MAP2K2: variants seen among roughly 807,000 people sequenced by gnomAD.
MAP2K2 encodes dual specificity mitogen-activated protein kinase kinase 2.
A neutral mutation model predicts 43.7 loss-of-function variants in MAP2K2; 24 were observed. That is an observed-to-expected ratio of 0.55 (90% CI 0.40 to 0.77). The LOEUF is 0.77. Among genes scored for constraint, MAP2K2 ranks in the 30% least tolerant of loss-of-function variants. The pLI is 0.00. For missense variants in MAP2K2, 470 were observed against 566.8 expected, an observed-to-expected ratio of 0.83 and a Z score of 1.73; for synonymous variants, 244 against 239.7, an observed-to-expected ratio of 1.02 and a Z score of -0.17.
chr19:4,104,039 G>A (rs1023133869), intron 3 of MAP2K2, among the ~76,000 whole-genome samples: 14 of 151,956 alleles, frequency 9.2e-5, no homozygotes, highest in African/African-American at 2.7e-4. Flanking sequence ...TGAGGCAGGC[G>A]GATCACTTGA....
intron 10 of MAP2K2, among the ~76,000 whole-genome samples, chr19:4,093,034 C>T (rs1248342641): frequency 6.6e-6 from 1 of 151,282 alleles, no homozygotes; most frequent in Non-Finnish European, 1.5e-5. Flanking sequence ...CACGGGGAAA[C>T]CCCATCTCTA....
intron 9 of MAP2K2, 157 bp from the exon 10 acceptor site, chr19:4,094,655 C>T: frequency 1.4e-6 from 1 of 710,274 alleles, no homozygotes; most frequent in Admixed American, 2.3e-5. Context: ...TCTGTTCTGC[C>T]TCCTGGCAGA....
intron 6 of MAP2K2, chr19:4,100,502 A>T (rs183110382): frequency 1.3e-5 from 2 of 154,520 alleles, no homozygotes; most frequent in African/African-American, 4.9e-5. Flanking sequence ...CTAAGAGAGA[A>T]TTCCAACAGG....
At chr19:4,118,792 A>G (rs887665587) in intron 1 of MAP2K2, among the ~76,000 whole-genome samples, 2 of 152,154 alleles carry the variant, frequency 1.3e-5, no homozygotes, top group East Asian at 3.8e-4. Context: ...TACACAATAA[A>G]AAATTTCTAA....
chr19:4,117,688 G>C (rs2041241846), intron 1 of MAP2K2, 59 bp from the exon 2 acceptor site: 4 of 1,518,054 alleles, frequency 2.6e-6, no homozygotes, highest in Non-Finnish European at 3.7e-6. Context: ...CTGGCCGTTT[G>C]CTATGTGGCC....
chr19:4,101,321 A>C lies in MAP2K2; in HGVS notation c.529-41T>G. 3 of 1,558,518 alleles carry C rather than the reference A, an allele frequency of 1.9e-6. No individual in the cohort carries two copies. Among genetic ancestry groups the C allele is most frequent in the Non-Finnish European group, 2.6e-6 (3 of 1,150,942 alleles). Reference sequence around the variant, plus strand: ...GAGGGAGTCACGGGACAAGGCCACCAGGGCTTAGCTCCTGACCGAGCCCGG... The same window carrying C: ...GAGGGAGTCACGGGACAAGGCCACCCGGGCTTAGCTCCTGACCGAGCCCGG... On this transcript the variant is annotated intron_variant, in intron 4 of 10. Transcript: ENST00000262948. This position sits in a 1 kb window ranked among gnomAD's most constrained non-coding sequence, Gnocchi z 6.3.
intron 3 of MAP2K2, among the ~76,000 whole-genome samples, chr19:4,107,317 G>A (rs1338444931): frequency 6.6e-6 from 1 of 152,008 alleles, no homozygotes; most frequent in Non-Finnish European, 1.5e-5. Context: ...GAGGTCAGGA[G>A]ATCGAGACCA....
At chr19:4,117,745 G>T in intron 1 of MAP2K2, 116 bp from the exon 2 acceptor site, 1 of 899,874 alleles carries the variant, frequency 1.1e-6, no homozygotes, top group Non-Finnish European at 1.8e-6. Flanking sequence ...TCCTGCACTT[G>T]AGGGGTTCAT....
intron 2 of MAP2K2, among the ~76,000 whole-genome samples, chr19:4,112,495 T>C (rs568102758): frequency 6.6e-6 from 1 of 152,316 alleles, no homozygotes; most frequent in South Asian, 2.1e-4. Context: ...AGCAGGAGGC[T>C]GACCGTGGCC....
chr19:4,100,821 G>T, intron 6 of MAP2K2, 198 bp downstream of exon 6: 1 of 652,620 alleles, frequency 1.5e-6, no homozygotes, highest in African/African-American at 1.8e-5. Flanking sequence ...AGCCATGTAG[G>T]AGTGTGTGCC....
Position 4,101,254 on chromosome 19 carries a change from T to G in MAP2K2, c.555A>C (p.Arg185=). Reference sequence around the variant, plus strand: ...CTCGGTGCATGATCTGGTGCTTCTCTCGGAGGTACGCCAAGCCCCGGAGAA... The same window carrying G: ...CTCGGTGCATGATCTGGTGCTTCTCGCGGAGGTACGCCAAGCCCCGGAGAA... ...IAVLRGLAYL[R]EKHQIMHRDV... is the part of the protein sequence containing the mutation. Residue 185 remains arginine (R), a synonymous_variant, in exon 5 of 11, where the codon CGA becomes CGC. Coordinates refer to ENST00000262948, the MANE Select transcript of MAP2K2 (RefSeq NM_030662.4). This position sits in a 1 kb window ranked among gnomAD's most constrained non-coding sequence, Gnocchi z 6.3. 1 of 1,586,230 alleles carries G rather than the reference T, an allele frequency of 6.3e-7. No homozygotes were observed. Among genetic ancestry groups the G allele is most frequent in the Non-Finnish European group, 8.6e-7 (1 of 1,167,192 alleles).
chr19:4,114,905 G>C (rs1465874943), intron 2 of MAP2K2, among the ~76,000 whole-genome samples: 1 of 152,012 alleles, frequency 6.6e-6, no homozygotes, highest in Non-Finnish European at 1.5e-5. Context: ...ACTCCAGTCT[G>C]GGTGACAGAG....
chr19:4,121,193 G>A (rs116413954), intron 1 of MAP2K2, among the ~76,000 whole-genome samples: 214 of 151,770 alleles, frequency 1.4e-3, no homozygotes, highest in African/African-American at 4.0e-3. Context: ...CACGCCACCC[G>A]GACCCCAGCA....
At chr19:4,103,200 A>C in intron 3 of MAP2K2, 1 of 987,588 alleles carries the variant, frequency 1.0e-6, no homozygotes, top group Non-Finnish European at 1.2e-6. Flanking sequence ...TGTGCCGGGC[A>C]TCCTGCGGAG....
chr19:4,107,335 T>G (rs923807726), intron 3 of MAP2K2, among the ~76,000 whole-genome samples: 3 of 151,770 alleles, frequency 2.0e-5, no homozygotes, highest in Non-Finnish European at 2.9e-5. Context: ...CCATCCTGGC[T>G]AACACAGCGA....
At chr19:4,117,386 A>C (rs1227898879) in intron 2 of MAP2K2, 33 bp downstream of exon 2, 2 of 1,568,972 alleles carry the variant, frequency 1.3e-6, no homozygotes, top group Non-Finnish European at 1.7e-6. Flanking sequence ...CTTCCCCACC[A>C]CTCCCCGACC....
chr19:4,101,298 G>C lies in MAP2K2; in HGVS notation c.529-18C>G, dbSNP rs951927130. On this transcript the variant is annotated intron_variant, in intron 4 of 10. Coordinates refer to ENST00000262948, the MANE Select transcript of MAP2K2 (RefSeq NM_030662.4). The surrounding 1 kb of genome is among the most constrained non-coding windows in gnomAD (Gnocchi z 6.3). ...CGGAGAACCTGCAGGGGAGCGCGGAGGGAGTCACGGGACAAGGCCACCAGG... is the reference window on the plus strand; with the variant it reads ...CGGAGAACCTGCAGGGGAGCGCGGACGGAGTCACGGGACAAGGCCACCAGG... 2 of 1,568,762 alleles carry C rather than the reference G, an allele frequency of 1.3e-6. No individual in the cohort carries two copies. The highest frequency in any genetic ancestry group is 1.4e-5 in the African/African-American group (1 of 73,992).
chr19:4,094,580 G>T (rs1006064560), intron 9 of MAP2K2, 82 bp from the exon 10 acceptor site: 5 of 1,347,112 alleles, frequency 3.7e-6, no homozygotes, highest in Non-Finnish European at 5.2e-6. Flanking sequence ...GGGCACCCGC[G>T]TGTGGGCCGT....
chr19:4,097,221 A>G (rs2040930993), intron 8 of MAP2K2, 58 bp downstream of exon 8: 3 of 1,228,102 alleles, frequency 2.4e-6, no homozygotes, highest in South Asian at 1.4e-5. Context: ...AAAAAAAAAA[A>G]AAAAAAAGAA....
Sources: allele counts gnomAD v4.1 joint callset (sites outside exome capture counted in the v4.1 genomes callset), GRCh38; gene constraint gnomAD v4.1.1; non-coding constraint Gnocchi (gnomAD v3.1); transcripts MANE v1.5; gene names NCBI Gene and HGNC (gene_info 2026-07-23, HGNC 2026-07-21).